The following LUZP2 variants were observed in gnomAD, a reference collection of about 807,000 sequenced individuals.
The protein encoded by LUZP2 is leucine zipper protein 2.
In LUZP2, 52 loss-of-function variants were observed where a neutral mutation model predicts 51.6. The ratio of observed to expected loss-of-function variants is 1.01; its 90% CI spans 0.81 to 1.27. The LOEUF (loss-of-function observed/expected upper bound fraction) is 1.27. LUZP2 is among the 50% of genes most tolerant of loss of function. The pLI, the probability that LUZP2 is intolerant of heterozygous loss-of-function variation, is 0.00. For synonymous variants in LUZP2, 154 were observed against 137.3 expected, an observed-to-expected ratio of 1.12 and a Z score of -0.85; for missense variants, 436 against 395.4, an observed-to-expected ratio of 1.10 and a Z score of -0.87.
At chr11:24,825,742 C>T (rs1590599408) in intron 5 of LUZP2, among the ~76,000 whole-genome samples, 1 of 152,062 alleles carries the variant, frequency 6.6e-6, no homozygotes, top group East Asian at 1.9e-4. Context: ...ATCCCACAAG[C>T]TTCCCTCCTC....
chr11:24,899,658 A>G (rs992430451), intron 5 of LUZP2, among the ~76,000 whole-genome samples: 2 of 152,164 alleles, frequency 1.3e-5, no homozygotes, highest in Non-Finnish European at 2.9e-5. Flanking sequence ...CGTGTCTCAC[A>G]TCAGATAAAT....
intron 9 of LUZP2, among the ~76,000 whole-genome samples, chr11:24,984,235 T>C: frequency 6.6e-6 from 1 of 151,490 alleles, no homozygotes; most frequent in East Asian, 2.0e-4. Context: ...CCTAATGATG[T>C]GTTACATCTG....
intron 1 of LUZP2, among the ~76,000 whole-genome samples, chr11:24,579,681 T>A (rs1852781374): frequency 1.3e-5 from 2 of 152,056 alleles, no homozygotes; most frequent in South Asian, 4.1e-4. Flanking sequence ...GTTCATATAA[T>A]ACATTGATTA....
intron 7 of LUZP2, among the ~76,000 whole-genome samples, chr11:24,972,214 G>A (rs1855761223): frequency 1.6e-5 from 2 of 123,682 alleles, no homozygotes; most frequent in South Asian, 2.8e-4. Flanking sequence ...TGCTATTTTT[G>A]TTAGAATTTA....
intron 5 of LUZP2, among the ~76,000 whole-genome samples, chr11:24,791,796 A>G (rs1343744087): frequency 6.6e-6 from 1 of 152,172 alleles, no homozygotes; most frequent in African/African-American, 2.4e-5. Context: ...TGTTATTTAC[A>G]GAGTTTTGCA....
intron 1 of LUZP2, among the ~76,000 whole-genome samples, chr11:24,498,776 T>C (rs773532903): frequency 7.9e-5 from 12 of 152,204 alleles, no homozygotes; most frequent in Non-Finnish European, 1.8e-4. Flanking sequence ...TGATTTAGTC[T>C]TCTAGAGAAA....
chr11:25,080,538 G>A lies in LUZP2; in HGVS notation c.*1880G>A, dbSNP rs1177939111. 1 of 151,970 alleles carries A rather than the reference G, an allele frequency of 6.6e-6. No homozygotes were observed. The highest frequency in any genetic ancestry group is 1.5e-5 in the Non-Finnish European group (1 of 67,992). The allele number at this position is 151,970 out of a possible 1,614,324, so 9.4% of individuals were successfully genotyped here. On this transcript the variant is annotated 3_prime_UTR_variant, in exon 12 of 12. Coordinates refer to ENST00000336930, the MANE Select transcript of LUZP2 (RefSeq NM_001009909.4). ...ATAGAGCTTTCAGATGAAGTGACTA[G>A]GATAAAATAAAAGATGAAGGTCTGA...
chr11:24,532,927 C>T (rs979366532), intron 1 of LUZP2, among the ~76,000 whole-genome samples: 22 of 151,076 alleles, frequency 1.5e-4, no homozygotes. Context: ...AATCTTAATA[C>T]AGTCTTAATT....
intron 5 of LUZP2, among the ~76,000 whole-genome samples, chr11:24,827,272 G>A (rs1381494790): frequency 6.6e-6 from 1 of 152,108 alleles, no homozygotes; most frequent in South Asian, 2.1e-4. Flanking sequence ...GAATTCAGGG[G>A]TTATCCCTAG....
At chr11:24,967,638 G>T (rs533649909) in intron 7 of LUZP2, among the ~76,000 whole-genome samples, 217 of 151,328 alleles carry the variant, frequency 1.4e-3, no homozygotes, top group Non-Finnish European at 2.7e-3. Context: ...ATATCTACTG[G>T]CCCTTTTTCT....
chr11:24,655,462 C>A (rs575504275), intron 1 of LUZP2, among the ~76,000 whole-genome samples: 1 of 151,578 alleles, frequency 6.6e-6, no homozygotes, highest in Non-Finnish European at 1.5e-5. Context: ...AGGGATTGAT[C>A]GCATGGTGAT....
chr11:24,572,523 C>A (rs1052248422), intron 1 of LUZP2, among the ~76,000 whole-genome samples: 3 of 151,926 alleles, frequency 2.0e-5, no homozygotes, highest in Admixed American at 6.6e-5. Context: ...AGGGAGAATT[C>A]TATTTCTAAT....
At chr11:24,710,231 C>T (rs1233631954) in intron 1 of LUZP2, among the ~76,000 whole-genome samples, 1 of 151,990 alleles carries the variant, frequency 6.6e-6, no homozygotes, top group Non-Finnish European at 1.5e-5. Context: ...TCTAAAGGTG[C>T]CTCTGGAGTT....
intron 1 of LUZP2, among the ~76,000 whole-genome samples, chr11:24,712,551 G>A (rs958138916): frequency 6.6e-6 from 1 of 152,166 alleles, no homozygotes; most frequent in Non-Finnish European, 1.5e-5. Flanking sequence ...TAACCTACCA[G>A]GGCACTTAGA....
At chr11:24,993,693 C>T (rs565002077) in intron 9 of LUZP2, among the ~76,000 whole-genome samples, 8 of 152,220 alleles carry the variant, frequency 5.3e-5, no homozygotes, top group Non-Finnish European at 8.8e-5. Flanking sequence ...ATCAATAATA[C>T]TACATCCTTT....
At chr11:24,644,156 G>T (rs1321051884) in intron 1 of LUZP2, among the ~76,000 whole-genome samples, 1 of 152,110 alleles carries the variant, frequency 6.6e-6, no homozygotes, top group Non-Finnish European at 1.5e-5. Context: ...GCTACAGTTA[G>T]TCTACCACAC....
chr11:24,705,821 T>A (rs747611341), intron 1 of LUZP2, among the ~76,000 whole-genome samples: 3 of 152,002 alleles, frequency 2.0e-5, no homozygotes, highest in Non-Finnish European at 2.9e-5. Flanking sequence ...ACTCATAATC[T>A]GTGATGCACA....
chr11:24,551,307 A>C (rs1851717497), intron 1 of LUZP2, among the ~76,000 whole-genome samples: 1 of 152,080 alleles, frequency 6.6e-6, no homozygotes, highest in East Asian at 1.9e-4. Context: ...AACCTTGAAC[A>C]CATTATGCTA....
intron 7 of LUZP2, among the ~76,000 whole-genome samples, chr11:24,952,761 T>C (rs538431691): frequency 1.1e-4 from 16 of 152,088 alleles, no homozygotes; most frequent in East Asian, 3.9e-4. Context: ...GTTTGACTTA[T>C]ATAAATTGAT....
Sources: allele counts gnomAD v4.1 joint callset (sites outside exome capture counted in the v4.1 genomes callset), GRCh38; gene constraint gnomAD v4.1.1; transcripts MANE v1.5; gene names NCBI Gene and HGNC (gene_info 2026-07-23, HGNC 2026-07-21).